Variants in ASIC2 observed in about 807,000 individuals in gnomAD.
ASIC2 encodes the protein acid-sensing ion channel 2.
ASIC2 carries 25 observed loss-of-function variants against 57.3 expected under a neutral mutation model. That is an observed-to-expected ratio of 0.44 (90% CI 0.32 to 0.61). The LOEUF is 0.61. ASIC2 is among the 20% of genes least tolerant of loss of function. ASIC2 has a pLI of 0.06. For missense variants in ASIC2, 641 were observed against 738.1 expected (o/e 0.87, Z 1.52); for synonymous variants, 319 against 307.5 (o/e 1.04, Z -0.39).
At chr17:33,718,662 C>T (rs566221275) in intron 1 of ASIC2, among the ~76,000 whole-genome samples, 1 of 152,158 alleles carries the variant, frequency 6.6e-6, no homozygotes, top group Non-Finnish European at 1.5e-5. Context: ...CATGCCTCCG[C>T]AGAGAGAAGG....
rs1907206635 is a variant in ASIC2, at chr17:34,022,578, C to T, written c.555+133400G>A. On this transcript the variant is annotated intron_variant, in intron 1 of 9. Transcript: ENST00000359872. ...TATGCTAGACACTTCAACTGTGTAA[C>T]CCAAATATAATCTAGAGCTCCCACA... Among the ~76,000 whole-genome samples the T allele has an allele frequency of 2.6e-5, 4 of 151,228 alleles. No homozygotes were observed. The South Asian group carries it at 8.4e-4, about 32-fold the overall frequency.
intron 1 of ASIC2, among the ~76,000 whole-genome samples, chr17:33,241,974 T>C (rs1407365814): frequency 6.6e-6 from 1 of 152,204 alleles, no homozygotes; most frequent in Non-Finnish European, 1.5e-5. Flanking sequence ...CTCAAAACAC[T>C]GGAGTACAGT....
intron 1 of ASIC2, among the ~76,000 whole-genome samples, chr17:33,171,822 TA>T (rs1282260835): frequency 6.6e-6 from 1 of 152,192 alleles, no homozygotes; most frequent in African/African-American, 2.4e-5. Flanking sequence ...CCCCTTTTAG[TA>T]ACTTGTGCTT....
chr17:33,155,304 A>G (rs1233567363), intron 1 of ASIC2, among the ~76,000 whole-genome samples: 1 of 152,254 alleles, frequency 6.6e-6, no homozygotes, highest in African/African-American at 2.4e-5. Flanking sequence ...GGCTGGCAGC[A>G]AGGGTTCCTG....
chr17:33,789,059 T>C (rs997394385), intron 1 of ASIC2, among the ~76,000 whole-genome samples: 4 of 152,172 alleles, frequency 2.6e-5, no homozygotes, highest in African/African-American at 7.2e-5. Flanking sequence ...TGTAACACCT[T>C]CCCATCTCTG....
chr17:33,105,705 T>C (rs2092231941), intron 2 of ASIC2, among the ~76,000 whole-genome samples: 1 of 152,130 alleles, frequency 6.6e-6, no homozygotes, highest in Admixed American at 6.6e-5. Flanking sequence ...TGGGGGAAGT[T>C]TGGAAATTCC....
At chr17:33,875,098 G>C (rs2043492766) in intron 1 of ASIC2, among the ~76,000 whole-genome samples, 1 of 152,198 alleles carries the variant, frequency 6.6e-6, no homozygotes, top group African/African-American at 2.4e-5. Context: ...AGGAATGCGG[G>C]AATAATGCAG....
chr17:33,248,178 T>C (rs904669559), intron 1 of ASIC2, among the ~76,000 whole-genome samples: 7 of 152,104 alleles, frequency 4.6e-5, no homozygotes, highest in South Asian at 2.1e-4. Flanking sequence ...GGAGAGAACC[T>C]TGTGGCTATC....
chr17:33,145,892 A>G (rs1474368246), intron 1 of ASIC2, among the ~76,000 whole-genome samples: 1 of 152,200 alleles, frequency 6.6e-6, no homozygotes, highest in Non-Finnish European at 1.5e-5. Flanking sequence ...TTGTGCCCTG[A>G]GCAGCAAGAA....
intron 1 of ASIC2, among the ~76,000 whole-genome samples, chr17:33,398,088 A>C (rs566364684): frequency 1.3e-5 from 2 of 152,322 alleles, no homozygotes; most frequent in South Asian, 4.2e-4. Flanking sequence ...TCCTGACACT[A>C]ACCGACTCTA....
chr17:33,298,345 G>A (rs139322427), intron 1 of ASIC2, among the ~76,000 whole-genome samples: 209 of 152,198 alleles, frequency 1.4e-3, no homozygotes, highest in African/African-American at 4.7e-3. Flanking sequence ...AGAACATGCG[G>A]TGTTTGGTTT....
chr17:33,260,900 G>A (rs1353056978), intron 1 of ASIC2, among the ~76,000 whole-genome samples: 1 of 152,250 alleles, frequency 6.6e-6, no homozygotes, highest in Non-Finnish European at 1.5e-5. Context: ...TAGCATGATT[G>A]CAGACATTTT....
At chr17:33,421,068 A>G (rs1911027878) in intron 1 of ASIC2, among the ~76,000 whole-genome samples, 2 of 152,148 alleles carry the variant, frequency 1.3e-5, no homozygotes. Flanking sequence ...GTTTTGGTAG[A>G]ACAAAAAAGG....
At chr17:33,164,447 T>C (rs1046304777) in intron 1 of ASIC2, among the ~76,000 whole-genome samples, 2 of 151,670 alleles carry the variant, frequency 1.3e-5, no homozygotes, top group African/African-American at 4.9e-5. Context: ...GGTAATTGGA[T>C]GCAGAGTTTC....
intron 1 of ASIC2, among the ~76,000 whole-genome samples, chr17:33,169,930 C>T (rs964901006): frequency 4.6e-5 from 7 of 152,182 alleles, no homozygotes; most frequent in African/African-American, 9.7e-5. Flanking sequence ...GTGGGCCTCT[C>T]GGGTGATGCC....
chr17:33,384,630 T>C lies in ASIC2; in HGVS notation c.556-272563A>G, dbSNP rs116590151. On this transcript the variant is annotated intron_variant, in intron 1 of 9. Transcript: ENST00000359872. Reference sequence around the variant, plus strand: ...TGGGTATTATTAGAGATGCACTCCATGCTGTATCTGTTCTGCCAAGGGCGG... The same window carrying C: ...TGGGTATTATTAGAGATGCACTCCACGCTGTATCTGTTCTGCCAAGGGCGG... Among the ~76,000 whole-genome samples, 230 of 152,310 alleles carry C rather than the reference T, an allele frequency of 1.5e-3. 1 individual carries two copies. The highest frequency in any genetic ancestry group is 5.4e-3 in the African/African-American group (224 of 41,554).
intron 1 of ASIC2, among the ~76,000 whole-genome samples, chr17:34,026,901 C>T (rs578089819): frequency 6.6e-6 from 1 of 152,184 alleles, no homozygotes; most frequent in East Asian, 1.9e-4. Flanking sequence ...TGCGTTAGAA[C>T]CTTTCAGCAA....
In ASIC2 at chr17:34,049,227, G is replaced by A. The variant is rs148654895; in HGVS notation, c.555+106751C>T. Among the ~76,000 whole-genome samples, 114 of 152,262 alleles carry A rather than the reference G, an allele frequency of 7.5e-4. No homozygotes were observed. The East Asian group carries it at 0.021, about 28-fold the overall frequency. On this transcript the variant is annotated intron_variant, in intron 1 of 9. Transcript: ENST00000359872. ...GGATCACTTGAGCCCAGGAGATCGA[G>A]GCCACAGTGAACCATGGATTGTGTC...
intron 1 of ASIC2, among the ~76,000 whole-genome samples, chr17:33,480,584 C>A (rs1388076933): frequency 6.6e-6 from 1 of 152,138 alleles, no homozygotes; most frequent in South Asian, 2.1e-4. Flanking sequence ...GTCATATCTC[C>A]AAGACCAGGA....
Sources: allele counts gnomAD v4.1 joint callset (sites outside exome capture counted in the v4.1 genomes callset), GRCh38; gene constraint gnomAD v4.1.1; transcripts MANE v1.5; gene names NCBI Gene and HGNC (gene_info 2026-07-23, HGNC 2026-07-21).